The following CRPPA variants were observed in gnomAD, a reference collection of about 807,000 sequenced individuals.
The protein encoded by CRPPA is CDP-L-ribitol pyrophosphorylase A.
In CRPPA, 43 loss-of-function variants were observed where a neutral mutation model predicts 52.0. That is an observed-to-expected ratio of 0.83 (90% confidence interval 0.65 to 1.07). The LOEUF (loss-of-function observed/expected upper bound fraction) is 1.07, where lower values mean the gene tolerates loss of function less well. Ranked by LOEUF, CRPPA falls within the 50% of genes least tolerant of loss-of-function variation. The pLI, the probability that CRPPA is intolerant of heterozygous loss-of-function variation, is 0.00. For synonymous variants in CRPPA, 250 were observed against 203.5 expected, an observed-to-expected ratio of 1.23 and a Z score of -1.94; for missense variants, 629 against 551.7, an observed-to-expected ratio of 1.14 and a Z score of -1.40.
At chr7:16,371,419 A>G (rs1316889319) in intron 3 of CRPPA, among the ~76,000 whole-genome samples, 16 of 152,168 alleles carry the variant, frequency 1.1e-4, no homozygotes, top group African/African-American at 3.9e-4. Context: ...AAGCCAGTGC[A>G]CAAAGATCCT....
chr7:16,400,462 T>A (rs1787782134), intron 2 of CRPPA, among the ~76,000 whole-genome samples: 1 of 152,184 alleles, frequency 6.6e-6, no homozygotes. Context: ...GTGTGACACA[T>A]GACCGACACC....
Position 16,258,999 on chromosome 7 carries a change from G to T in CRPPA, c.947C>A (p.Thr316Lys), listed in dbSNP as rs114363936. Residue 316 changes from threonine (T) to lysine (K), a missense_variant, in exon 7 of 10, where the codon ACA (threonine) becomes AAA (lysine). By Grantham distance (78) the Thr-to-Lys change is moderately conservative. Transcript: ENST00000407010. The part of the protein sequence containing the change: ...LKSELNHVKV[T>K]SEALGHAGRH... The stretch of plus-strand genomic sequence containing the variant: ...GCCAGCATGACCCAGAGCCTCAGAT[G>T]TGACTTTTACATGCTAGTAGGAAAA... The T allele has an allele frequency of 1.2e-3, 1,925 of 1,609,120 alleles. 24 individuals are homozygous for T. The African/African-American group carries it at 0.022, about 18-fold the overall frequency.
At chr7:16,155,189 C>A (rs1323319305) in intron 9 of CRPPA, among the ~76,000 whole-genome samples, 1 of 151,952 alleles carries the variant, frequency 6.6e-6, no homozygotes, top group Non-Finnish European at 1.5e-5. Flanking sequence ...TTATTTATTC[C>A]TTTTACCACA....
intron 1 of CRPPA, among the ~76,000 whole-genome samples, chr7:16,420,176 GATGACATCTATCTGGAA>G (rs1412162995): frequency 6.6e-6 from 1 of 152,136 alleles, no homozygotes; most frequent in East Asian, 1.9e-4. Flanking sequence ...TATGCTAAAG[GATGACATCTATCTGGAA>G]ATGCAAACGG....
intron 9 of CRPPA, among the ~76,000 whole-genome samples, chr7:16,176,516 T>C (rs998355420): frequency 6.6e-6 from 1 of 152,114 alleles, no homozygotes; most frequent in African/African-American, 2.4e-5. Context: ...AAAACAAGAA[T>C]AGTAAGTGCT....
At chr7:16,103,806 G>C (rs1464846955) in intron 9 of CRPPA, among the ~76,000 whole-genome samples, 1 of 152,148 alleles carries the variant, frequency 6.6e-6, no homozygotes, top group African/African-American at 2.4e-5. Context: ...GGGATAGAAA[G>C]CTTATCCTAG....
chr7:16,214,416 A>G (rs2128397634), intron 9 of CRPPA, among the ~76,000 whole-genome samples: 1 of 152,292 alleles, frequency 6.6e-6, no homozygotes, highest in South Asian at 2.1e-4. Flanking sequence ...CTATGTGACA[A>G]TAGTAGTGTT....
intron 6 of CRPPA, among the ~76,000 whole-genome samples, chr7:16,272,343 T>C (rs1210161087): frequency 6.6e-6 from 1 of 152,212 alleles, no homozygotes; most frequent in Non-Finnish European, 1.5e-5. Flanking sequence ...GTAAGGTATG[T>C]TGCAAAATTC....
At chr7:16,308,461 T>G in intron 4 of CRPPA, 62 bp downstream of exon 4, 1 of 883,702 alleles carries the variant, frequency 1.1e-6, no homozygotes. Flanking sequence ...GTTTTAAATG[T>G]ACACACACGC....
chr7:16,393,927 T>C (rs1460549791), intron 2 of CRPPA, among the ~76,000 whole-genome samples: 1 of 152,096 alleles, frequency 6.6e-6, no homozygotes, highest in African/African-American at 2.4e-5. Context: ...TTAAAGCCTA[T>C]AAATATAAAA....
chr7:16,406,187 T>C lies in CRPPA; in HGVS notation c.408A>G (p.Ala136=), dbSNP rs541412708. 1 of 1,614,054 alleles carries C rather than the reference T, an allele frequency of 6.2e-7. No individual in the cohort carries two copies. The highest frequency in any genetic ancestry group is 1.7e-5 in the Admixed American group (1 of 60,028). Residue 136 remains alanine (A), a synonymous_variant, in exon 2 of 10, where the codon GCA becomes GCG. Coordinates refer to ENST00000407010, the MANE Select transcript of CRPPA (RefSeq NM_001101426.4). ...RHRSIFNGLK[A]LAEDQINSKL... ...TAGAGTTGATCTGATCTTCTGCCAG[T>C]GCTTTTAGTCCATTGAAAATTGACC...
chr7:16,245,513 C>T (rs77772901), intron 8 of CRPPA, among the ~76,000 whole-genome samples: 1,811 of 152,306 alleles, frequency 0.012, 36 homozygotes, highest in African/African-American at 0.041. Context: ...TCACTTGCCT[C>T]TCCATCCAAG....
At chr7:16,420,740 T>A (rs1329685717) in intron 1 of CRPPA, among the ~76,000 whole-genome samples, 3 of 152,152 alleles carry the variant, frequency 2.0e-5, no homozygotes, top group African/African-American at 7.2e-5. Context: ...GCACAGCTTC[T>A]CCTCAGGCCC....
chr7:16,397,575 C>T lies in CRPPA; in HGVS notation c.534+8486G>A, dbSNP rs1274358464. On this transcript the variant is annotated intron_variant, in intron 2 of 9. Coordinates refer to ENST00000407010, the MANE Select transcript of CRPPA (RefSeq NM_001101426.4). ...AATGTGATGTGACCAATTTGACTGA[C>T]ATATGAGACGTGACAGATTACTGAC... Among the ~76,000 whole-genome samples the T allele has an allele frequency of 5.7e-5, 8 of 140,714 alleles. No homozygotes were observed. In the South Asian group the frequency reaches 1.3e-3, roughly 23 times the overall value. The allele number at this position is 140,714 out of a possible 152,430, so 92.3% of individuals were successfully genotyped here. A position where few individuals can be genotyped will look rare whatever the true frequency, so the allele number is the denominator to read the frequency against.
chr7:16,088,974 GT>G lies in CRPPA; in HGVS notation c.*2720del, dbSNP rs1398471822. On this transcript the variant is annotated 3_prime_UTR_variant, in exon 10 of 10. Transcript: ENST00000407010. Reference sequence around the variant, plus strand: ...TCAGATGTCTTTGCCAGGGGTCATTGTTAGACAGGAATATAAGCTTAACACT... The same window carrying G: ...TCAGATGTCTTTGCCAGGGGTCATTGTAGACAGGAATATAAGCTTAACACT... 1 of 211,734 alleles carries G rather than the reference GT, an allele frequency of 4.7e-6. No individual in the cohort carries two copies. Among genetic ancestry groups the G allele is most frequent in the Non-Finnish European group, 1.0e-5 (1 of 97,936 alleles). The allele number at this position is 211,734 out of a possible 1,614,324, so 13.1% of individuals were successfully genotyped here. A position where few individuals can be genotyped will look rare whatever the true frequency, so the allele number is the denominator to read the frequency against.
Position 16,089,794 on chromosome 7 carries a change from T to C in CRPPA, c.*1901A>G, listed in dbSNP as rs1356888198. On this transcript the variant is annotated 3_prime_UTR_variant, in exon 10 of 10. Transcript: ENST00000407010. ...AAGTACTCTGAGATAAATTCTTGTC[T>C]GCTGTAGGATTCCTTAAGCTGAAGT... 1 of 176,218 alleles carries C rather than the reference T, an allele frequency of 5.7e-6. No homozygotes were observed. Among genetic ancestry groups the C allele is most frequent in the Non-Finnish European group, 1.2e-5 (1 of 80,582 alleles). The allele number at this position is 176,218 out of a possible 1,614,324, so 10.9% of individuals were successfully genotyped here. A position where few individuals can be genotyped will look rare whatever the true frequency, so the allele number is the denominator to read the frequency against.
chr7:16,245,304 C>G (rs1403480409), intron 8 of CRPPA, among the ~76,000 whole-genome samples: 1 of 152,180 alleles, frequency 6.6e-6, no homozygotes. Context: ...TCATTTTACT[C>G]TTTTATAATT....
chr7:16,286,080 T>TAA (rs1180610582), intron 5 of CRPPA, among the ~76,000 whole-genome samples: 1 of 17,508 alleles, frequency 5.7e-5, no homozygotes, highest in Non-Finnish European at 9.0e-5. Context: ...TATATATATA[T>TAA]AATATTTAAA....
At chr7:16,128,770 A>G (rs1269970846) in intron 9 of CRPPA, among the ~76,000 whole-genome samples, 2 of 152,180 alleles carry the variant, frequency 1.3e-5, no homozygotes, top group Non-Finnish European at 2.9e-5. Context: ...GAAAAAGCCA[A>G]ATATGTTGCA....
Sources: gnomAD v4.1 joint callset for allele counts (sites outside exome capture counted in the v4.1 genomes callset) on GRCh38, gnomAD v4.1.1 for gene constraint, MANE v1.5 for transcripts, NCBI Gene and HGNC (gene_info 2026-07-23, HGNC 2026-07-21) for gene names.